PDP2: variants seen among roughly 807,000 people sequenced by gnomAD.
PDP2 encodes pyruvate dehydrogenase phosphatase catalytic subunit 2.
PDP2 carries 23 observed loss-of-function variants against 34.2 expected under a neutral mutation model. The observed-to-expected ratio is 0.67, with a 90% CI of 0.48 to 0.95. The LOEUF (loss-of-function observed/expected upper bound fraction) is 0.95. PDP2 is among the 40% of genes least tolerant of loss of function. The probability of loss-of-function intolerance (pLI) is 0.00; values close to 1 mark genes in which losing one functional copy is unlikely to be tolerated. For missense variants in PDP2, 571 were observed against 659.6 expected, an observed-to-expected ratio of 0.87 and a Z score of 1.47; for synonymous variants, 275 against 269.2, an observed-to-expected ratio of 1.02 and a Z score of -0.21.
chr16:66,882,339 G>A (rs1961557409), intron 1 of PDP2, among the ~76,000 whole-genome samples: 1 of 152,120 alleles, frequency 6.6e-6, no homozygotes, highest in Admixed American at 6.5e-5. Context: ...AGGAGGCTGA[G>A]GCAGGAGGAT....
Position 66,885,050 on chromosome 16 carries a change from A to G in PDP2, c.766A>G (p.Arg256Gly). 6.2e-7 allele frequency: 1 copy of G among 1,613,962 alleles called. No individual in the cohort carries two copies. Among genetic ancestry groups the G allele is most frequent in the African/African-American group, 1.3e-5 (1 of 75,060 alleles). ...IQAPLEDEVT[R>G]NLSLQVAFSG... The stretch of plus-strand genomic sequence containing the variant: ...GGCCCCCCTGGAAGATGAGGTGACA[A>G]GGAACCTGTCACTCCAGGTTGCTTT... Residue 256 changes from arginine to glycine, a missense_variant, in exon 2 of 2, where the codon AGG (arginine) becomes GGG (glycine). Physicochemically the swap from Arg to Gly is moderately radical, Grantham distance 125 (BLOSUM62 -2). Transcript: ENST00000311765. The surrounding 1 kb of genome is among the most constrained non-coding windows in gnomAD (Gnocchi z 4.6).
In PDP2 at chr16:66,890,805, A is replaced by C. The variant is rs950232030; in HGVS notation, c.*4931A>C. ...TTCCTTGGAGCTGGGGATAAAGGCC[A>C]GTGAGCCAGCCTGTGATGAGAGCTG... On this transcript the variant is annotated 3_prime_UTR_variant, in exon 2 of 2. Transcript: ENST00000311765. 1 of 152,240 alleles carries C rather than the reference A, an allele frequency of 6.6e-6. No homozygotes were observed. Among genetic ancestry groups the C allele is most frequent in the Non-Finnish European group, 1.5e-5 (1 of 68,044 alleles). 9.4% of individuals were successfully genotyped at this position (152,240 alleles called of 1,614,324 possible). A position where few individuals can be genotyped will look rare whatever the true frequency, so the allele number is the denominator to read the frequency against.
chr16:66,882,969 G>A (rs1961583916), intron 1 of PDP2: 1 of 151,946 alleles, frequency 6.6e-6, no homozygotes, highest in Non-Finnish European at 1.5e-5. Flanking sequence ...GGGGCTATAG[G>A]TGTGCGCCAC....
intron 1 of PDP2, among the ~76,000 whole-genome samples, chr16:66,882,489 AG>A (rs1356608898): frequency 1.3e-5 from 2 of 151,926 alleles, no homozygotes; most frequent in Non-Finnish European, 2.9e-5. Flanking sequence ...AATGACTTAG[AG>A]GGGTATATAC....
In PDP2 at chr16:66,886,467, G is replaced by T. The variant is rs989892088; in HGVS notation, c.*593G>T. ...AATACTACATTCTAGTTCTGTTTTC[G>T]TTTATTTTAAAACTGAATCCTTAAA... On this transcript the variant is annotated 3_prime_UTR_variant, in exon 2 of 2. Transcript: ENST00000311765. 1 of 429,328 alleles carries T rather than the reference G, an allele frequency of 2.3e-6. No individual in the cohort carries two copies. The highest frequency in any genetic ancestry group is 1.7e-5 in the South Asian group (1 of 60,354). The allele number at this position is 429,328 out of a possible 1,614,324, so 26.6% of individuals were successfully genotyped here.
chr16:66,888,064 C>T lies in PDP2; in HGVS notation c.*2190C>T, dbSNP rs1961860581. 1 of 145,326 alleles carries T rather than the reference C, an allele frequency of 6.9e-6. No individual in the cohort carries two copies. The highest frequency in any genetic ancestry group is 2.3e-4 in the South Asian group (1 of 4,442). 9.0% of individuals were successfully genotyped at this position (145,326 alleles called of 1,614,324 possible). ...TTCCTTCCTTCCTTCCTTCCTCTCT[C>T]TCTCTTTCTTTCTTTCTTTCCTTCT... is the stretch of plus-strand genomic sequence containing the variant. On this transcript the variant is annotated 3_prime_UTR_variant, in exon 2 of 2. Coordinates refer to ENST00000311765, the MANE Select transcript of PDP2 (RefSeq NM_020786.4).
Position 66,884,244 on chromosome 16 carries a change from C to T in PDP2, c.-41C>T. ...TTTAATTTTTAGGTTTAAAAATATC[C>T]TTTTTTGCTGAAGGAACACATTTGC... On this transcript the variant is annotated 5_prime_UTR_variant, in exon 2 of 2. Transcript: ENST00000311765. 3 of 1,439,496 alleles carry T rather than the reference C, an allele frequency of 2.1e-6. No individual in the cohort carries two copies. The highest frequency in any genetic ancestry group is 2.4e-5 in the East Asian group (1 of 42,238). The allele number at this position is 1,439,496 out of a possible 1,614,324, so 89.2% of individuals were successfully genotyped here.
chr16:66,884,326 G>T lies in PDP2; in HGVS notation c.42G>T (p.Arg14Ser). ...TVSYWILNST[R>S]NSIATLQGGR... ...CCTACTGGATCTTAAATTCTACAAG[G>T]AACAGCATTGCCACATTGCAAGGGG... Residue 14 changes from arginine (R) to serine (S), a missense_variant, in exon 2 of 2, where the codon AGG (arginine) becomes AGT (serine). Arg to Ser is a moderately radical substitution (Grantham distance 110, BLOSUM62 -1). This residue lies in a region of PDP2 where 290 missense variants were observed against 283.8 expected (regional missense o/e 1.02). Coordinates refer to ENST00000311765, the MANE Select transcript of PDP2 (RefSeq NM_020786.4). 1 of 1,613,542 alleles carries T rather than the reference G, an allele frequency of 6.2e-7. No homozygotes were observed. The highest frequency in any genetic ancestry group is 8.5e-7 in the Non-Finnish European group (1 of 1,179,682).
At position 66,884,379 on chromosome 16, in the gene PDP2, C is replaced by T. The variant is rs1277242664; in HGVS notation, c.95C>T (p.Ser32Leu). ...AGACGCTTATACTCCAGGTATGTCT[C>T]AAATAGGAATAAATTAAAATGGAGG... ...GGRRLYSRYVSNRNKLKWRLF... is the reference protein window; with the variant it reads ...GGRRLYSRYVLNRNKLKWRLF... The change falls in exon 2 of 2, where the codon TCA becomes TTA. Residue 32 changes from serine (S) to leucine (L), a missense_variant. Around this residue, in one of 2 missense-constraint regions of PDP2, gnomAD observed 290 missense variants for 283.8 expected, o/e 1.02. Transcript: ENST00000311765. 1 of 1,613,918 alleles carries T rather than the reference C, an allele frequency of 6.2e-7. No individual in the cohort carries two copies. The highest frequency in any genetic ancestry group is 1.3e-5 in the African/African-American group (1 of 74,876).
At position 66,886,194 on chromosome 16, in the gene PDP2, G is replaced by T; in HGVS notation, c.*320G>T. 6.9e-6 allele frequency: 2 copies of T among 291,292 alleles called. No individual in the cohort carries two copies. The highest frequency in any genetic ancestry group is 5.0e-5 in the South Asian group (1 of 20,030). 18.0% of individuals were successfully genotyped at this position (291,292 alleles called of 1,614,324 possible). On this transcript the variant is annotated 3_prime_UTR_variant, in exon 2 of 2. Coordinates refer to ENST00000311765, the MANE Select transcript of PDP2 (RefSeq NM_020786.4). ...ACTGTGTCAGCCTGAGCCTTCAAAG[G>T]GTAAATTTAATCATGATTCTGAGAA...
Position 66,886,068 on chromosome 16 carries a change from A to G in PDP2, c.*194A>G. On this transcript the variant is annotated 3_prime_UTR_variant, in exon 2 of 2. Coordinates refer to ENST00000311765, the MANE Select transcript of PDP2 (RefSeq NM_020786.4). ...AATAGCAGTGATTTCATGTCCCTGT[A>G]TGTTCTGATTAAGTCTTATATGCAG... 2 of 607,258 alleles carry G rather than the reference A, an allele frequency of 3.3e-6. No homozygotes were observed. The highest frequency in any genetic ancestry group is 2.1e-5 in the South Asian group (1 of 47,816). The allele number at this position is 607,258 out of a possible 1,614,324, so 37.6% of individuals were successfully genotyped here.
rs775039503 is a variant in PDP2, at chr16:66,884,788, G to A, written c.504G>A (p.Gln168=). 1 of 1,614,164 alleles carries A rather than the reference G, an allele frequency of 6.2e-7. No homozygotes were observed. The highest frequency in any genetic ancestry group is 8.5e-7 in the Non-Finnish European group (1 of 1,180,054). The part of the protein sequence containing the change: ...YYVAVSLMSH[Q]TLEHMEGAME... ...TGGCAGTGTCCCTGATGTCCCACCA[G>A]ACCCTGGAGCACATGGAGGGAGCTA... Residue 168 remains glutamine, a synonymous_variant, in exon 2 of 2, where the codon CAG becomes CAA. Coordinates refer to ENST00000311765, the MANE Select transcript of PDP2 (RefSeq NM_020786.4).
In PDP2 at chr16:66,886,091, C is replaced by G. The variant is rs1961756423; in HGVS notation, c.*217C>G. On this transcript the variant is annotated 3_prime_UTR_variant, in exon 2 of 2. Transcript: ENST00000311765. Reference sequence around the variant, plus strand: ...GTATGTTCTGATTAAGTCTTATATGCAGAGAGGACAGAGCATAAAGTCTAT... The same window carrying G: ...GTATGTTCTGATTAAGTCTTATATGGAGAGAGGACAGAGCATAAAGTCTAT... 2 of 543,502 alleles carry G rather than the reference C, an allele frequency of 3.7e-6. No individual in the cohort carries two copies. The highest frequency in any genetic ancestry group is 4.7e-5 in the South Asian group (2 of 42,756). 33.7% of individuals were successfully genotyped at this position (543,502 alleles called of 1,614,324 possible).
In PDP2 at chr16:66,889,808, A is replaced by T. The variant is rs1961933049; in HGVS notation, c.*3934A>T. On this transcript the variant is annotated 3_prime_UTR_variant, in exon 2 of 2. Coordinates refer to ENST00000311765, the MANE Select transcript of PDP2 (RefSeq NM_020786.4). ...ATAGATCTTGCCTCTACAAAAAAAA[A>T]AAAAAATAGCCAGGTGTGGCACATG... 1 of 151,656 alleles carries T rather than the reference A, an allele frequency of 6.6e-6. No individual in the cohort carries two copies. The highest frequency in any genetic ancestry group is 6.6e-5 in the Admixed American group (1 of 15,168). The allele number at this position is 151,656 out of a possible 1,614,324, so 9.4% of individuals were successfully genotyped here.
rs755202762 is a variant in PDP2 at position 66,885,462 on chromosome 16, C to T, written c.1178C>T (p.Pro393Leu). The T allele has an allele frequency of 6.2e-7, 1 of 1,613,946 alleles. No homozygotes were observed. The highest frequency in any genetic ancestry group is 8.5e-7 in the Non-Finnish European group (1 of 1,180,034). Residue 393 changes from proline to leucine, a missense_variant, in exon 2 of 2, where the codon CCT (proline) becomes CTT (leucine). By Grantham distance (98) the Pro-to-Leu change is moderately conservative. Transcript: ENST00000311765. The surrounding 1 kb of genome is among the most constrained non-coding windows in gnomAD (Gnocchi z 4.6). ...YYTPPYLTAEPEVTYHRLRPQ... is the reference protein window; with the variant it reads ...YYTPPYLTAELEVTYHRLRPQ... Reference sequence around the variant, plus strand: ...ACTCCACCCTACCTGACTGCTGAGCCTGAGGTCACATACCACAGGCTGAGG... The same window carrying T: ...ACTCCACCCTACCTGACTGCTGAGCTTGAGGTCACATACCACAGGCTGAGG...
rs1961748406 is a variant in PDP2 at position 66,885,879 on chromosome 16, C to T, written c.*5C>T. ...GCATATTACAAGGGGGGTTAAGAAT[C>T]TCCCATCCTATTGTCAAGGTTAACA... On this transcript the variant is annotated 3_prime_UTR_variant, in exon 2 of 2. Transcript: ENST00000311765. This position sits in a 1 kb window ranked among gnomAD's most constrained non-coding sequence, Gnocchi z 4.6. 1 of 1,587,798 alleles carries T rather than the reference C, an allele frequency of 6.3e-7. No individual in the cohort carries two copies. The highest frequency in any genetic ancestry group is 1.3e-5 in the African/African-American group (1 of 74,468).
rs1256771740 is a variant in PDP2 at position 66,888,984 on chromosome 16, C to T, written c.*3110C>T. Reference sequence around the variant, plus strand: ...GTGAATCATCTGTTCTTTCCATGAACATTCTGGGGAGCACCTCCTGATTAA... The same window carrying T: ...GTGAATCATCTGTTCTTTCCATGAATATTCTGGGGAGCACCTCCTGATTAA... On this transcript the variant is annotated 3_prime_UTR_variant, in exon 2 of 2. Coordinates refer to ENST00000311765, the MANE Select transcript of PDP2 (RefSeq NM_020786.4). The T allele has an allele frequency of 6.6e-6, 1 of 152,180 alleles. No homozygotes were observed. Among genetic ancestry groups the T allele is most frequent in the Non-Finnish European group, 1.5e-5 (1 of 68,040 alleles). The allele number at this position is 152,180 out of a possible 1,614,324, so 9.4% of individuals were successfully genotyped here. A position where few individuals can be genotyped will look rare whatever the true frequency, so the allele number is the denominator to read the frequency against.
chr16:66,883,476 A>T (rs1260797091), intron 1 of PDP2, among the ~76,000 whole-genome samples: 1 of 151,476 alleles, frequency 6.6e-6, no homozygotes, highest in African/African-American at 2.4e-5. Flanking sequence ...CTCTCTAGTG[A>T]GGCCCAGGCT....
intron 1 of PDP2, among the ~76,000 whole-genome samples, chr16:66,881,622 T>A (rs1458778196): frequency 6.6e-6 from 1 of 152,120 alleles, no homozygotes; most frequent in Non-Finnish European, 1.5e-5. Context: ...ATAACTAGGA[T>A]AAAACCTAAG....
Sources: gnomAD v4.1 joint callset for allele counts (sites outside exome capture counted in the v4.1 genomes callset) on GRCh38, gnomAD v4.1.1 for gene constraint, gnomAD v4.1.1 regional missense constraint, Gnocchi (gnomAD v3.1) non-coding constraint, MANE v1.5 for transcripts, NCBI Gene and HGNC (gene_info 2026-07-23, HGNC 2026-07-21) for gene names.